Variants in RAPGEF6 observed in about 807,000 individuals in gnomAD.
The protein encoded by RAPGEF6 is Rap guanine nucleotide exchange factor 6.
A neutral mutation model predicts 171.4 loss-of-function variants in RAPGEF6; 56 were observed. The ratio of observed to expected loss-of-function variants is 0.33; its 90% CI spans 0.26 to 0.41. The LOEUF is 0.41. RAPGEF6 is among the 10% of genes least tolerant of loss of function. The probability of loss-of-function intolerance (pLI) is 1.00; values close to 1 mark genes in which losing one functional copy is unlikely to be tolerated. For synonymous variants in RAPGEF6, 692 were observed against 650.1 expected, an observed-to-expected ratio of 1.06 and a Z score of -0.98; for missense variants, 1,674 against 1,921.4, an observed-to-expected ratio of 0.87 and a Z score of 2.41.
chr5:131,630,263 C>T (rs1766217992), intron 1 of RAPGEF6, among the ~76,000 whole-genome samples: 1 of 152,222 alleles, frequency 6.6e-6, no homozygotes, highest in South Asian at 2.1e-4. Flanking sequence ...GCTCAGATGA[C>T]TGGTTAGTAT....
chr5:131,516,544 T>C (rs1049354367), intron 7 of RAPGEF6, among the ~76,000 whole-genome samples: 1 of 152,158 alleles, frequency 6.6e-6, no homozygotes, highest in Admixed American at 6.5e-5. Flanking sequence ...ACTGCCTATA[T>C]AGAAACTGAA....
intron 19 of RAPGEF6, among the ~76,000 whole-genome samples, chr5:131,461,077 C>T (rs1463779466): frequency 1.3e-5 from 2 of 152,154 alleles, no homozygotes; most frequent in African/African-American, 2.4e-5. Flanking sequence ...CTACAATTAA[C>T]TTTTCATAAT....
intron 3 of RAPGEF6, among the ~76,000 whole-genome samples, chr5:131,602,010 G>A (rs1355577766): frequency 1.3e-5 from 2 of 150,684 alleles, no homozygotes; most frequent in African/African-American, 4.9e-5. Flanking sequence ...ACTCCAGCCT[G>A]GGCGACAGAG....
chr5:131,631,272 T>C (rs538424697), intron 1 of RAPGEF6, among the ~76,000 whole-genome samples: 1 of 152,342 alleles, frequency 6.6e-6, no homozygotes, highest in African/African-American at 2.4e-5. Context: ...CATTTCAAAC[T>C]TGACATGTTC....
intron 1 of RAPGEF6, among the ~76,000 whole-genome samples, chr5:131,605,067 A>C (rs953907221): frequency 6.6e-6 from 1 of 152,202 alleles, no homozygotes; most frequent in African/African-American, 2.4e-5. Flanking sequence ...GAGATGACCC[A>C]GTTTATCAAT....
intron 17 of RAPGEF6, among the ~76,000 whole-genome samples, chr5:131,465,896 T>G (rs1055263973): frequency 1.3e-5 from 2 of 152,102 alleles, no homozygotes; most frequent in Non-Finnish European, 2.9e-5. Flanking sequence ...ATTATACTGT[T>G]TGTCCAGCAT....
At chr5:131,445,193 C>A (rs1554070808) in intron 22 of RAPGEF6, among the ~76,000 whole-genome samples, 4 of 152,122 alleles carry the variant, frequency 2.6e-5, no homozygotes, top group Non-Finnish European at 5.9e-5. Flanking sequence ...CCATCATACT[C>A]CAAATCTTTT....
intron 4 of RAPGEF6, among the ~76,000 whole-genome samples, chr5:131,579,521 G>A (rs960622249): frequency 6.6e-6 from 1 of 152,190 alleles, no homozygotes; most frequent in South Asian, 2.1e-4. Flanking sequence ...CAATCCCTGA[G>A]CTAGACAGAG....
At chr5:131,550,092 T>A (rs1452433816) in intron 5 of RAPGEF6, among the ~76,000 whole-genome samples, 1 of 152,080 alleles carries the variant, frequency 6.6e-6, no homozygotes, top group Non-Finnish European at 1.5e-5. Context: ...GATTGTCAGT[T>A]CTCTATAAAT....
chr5:131,503,794 G>GAA (rs1757175788), intron 11 of RAPGEF6, among the ~76,000 whole-genome samples: 1 of 152,108 alleles, frequency 6.6e-6, no homozygotes, highest in African/African-American at 2.4e-5. Flanking sequence ...AAACAGTATG[G>GAA]GGGTTAATAC....
chr5:131,535,872 G>C (rs1208621387), intron 6 of RAPGEF6, among the ~76,000 whole-genome samples: 1 of 152,026 alleles, frequency 6.6e-6, no homozygotes, highest in East Asian at 1.9e-4. Flanking sequence ...CTGAAAAGAA[G>C]GACAGAGAAA....
intron 6 of RAPGEF6, among the ~76,000 whole-genome samples, chr5:131,541,727 TA>T (rs1760166435): frequency 6.6e-6 from 1 of 152,222 alleles, no homozygotes; most frequent in South Asian, 2.1e-4. Flanking sequence ...GTAATGTATT[TA>T]AAAACTAATA....
In RAPGEF6 at chr5:131,479,636, T is replaced by C. The variant is rs1056974811; in HGVS notation, c.1958A>G (p.Glu653Gly). 9 of 1,613,976 alleles carry C rather than the reference T, an allele frequency of 5.6e-6. No individual in the cohort carries two copies. Among genetic ancestry groups the C allele is most frequent in the Non-Finnish European group, 7.6e-6 (9 of 1,179,998 alleles). Residue 653 changes from glutamate (E) to glycine (G), a missense_variant, in exon 16 of 28, where the codon GAA becomes GGA. By Grantham distance (98) the Glu-to-Gly change is moderately conservative (BLOSUM62 -2). Coordinates refer to ENST00000509018, the MANE Select transcript of RAPGEF6 (RefSeq NM_016340.6). ...ACTTCCTTTCTCCTGTGATGTCTGT[T>C]CAATATCTCCTGGCACATGCTGGAT... ...HSIQHVPGDIEQTSQEKGSKK... is the reference protein window; with the variant it reads ...HSIQHVPGDIGQTSQEKGSKK...
intron 1 of RAPGEF6, among the ~76,000 whole-genome samples, chr5:131,607,564 G>C (rs989815521): frequency 6.6e-6 from 1 of 152,170 alleles, no homozygotes; most frequent in Non-Finnish European, 1.5e-5. Flanking sequence ...TCCGCTCTCT[G>C]TCATAACACA....
chr5:131,587,188 C>T (rs140557001), intron 4 of RAPGEF6, among the ~76,000 whole-genome samples: 43 of 152,326 alleles, frequency 2.8e-4, no homozygotes, highest in African/African-American at 1.0e-3. Flanking sequence ...AGACCCGGCT[C>T]TTAGCTGAAC....
chr5:131,464,349 A>G, intron 17 of RAPGEF6, 68 bp from the exon 18 acceptor site: 2 of 1,231,834 alleles, frequency 1.6e-6, no homozygotes, highest in Non-Finnish European at 1.2e-6. Context: ...TCAAAAAGCA[A>G]CGTGAAACAC....
chr5:131,445,231 G>A (rs1323894979), intron 22 of RAPGEF6, among the ~76,000 whole-genome samples: 1 of 152,048 alleles, frequency 6.6e-6, no homozygotes. Context: ...TCAAGATATT[G>A]TTTTGATTAT....
intron 23 of RAPGEF6, 152 bp from the exon 24 acceptor site, chr5:131,439,867 G>A (rs1752264557): frequency 7.6e-7 from 1 of 1,324,494 alleles, no homozygotes; most frequent in Admixed American, 2.7e-5. Context: ...AAATGACTGG[G>A]TAATGGCATA....
chr5:131,507,897 A>G (rs1300311412), intron 9 of RAPGEF6, among the ~76,000 whole-genome samples, 174 bp downstream of exon 9: 1 of 152,222 alleles, frequency 6.6e-6, no homozygotes, highest in Non-Finnish European at 1.5e-5. Flanking sequence ...GGCAAAGCAA[A>G]AACAAAAACT....
Sources: allele counts gnomAD v4.1 joint callset (sites outside exome capture counted in the v4.1 genomes callset), GRCh38; gene constraint gnomAD v4.1.1; transcripts MANE v1.5; gene names NCBI Gene and HGNC (gene_info 2026-07-23, HGNC 2026-07-21).